The following EVI5 variants were observed in gnomAD, a reference collection of about 807,000 sequenced individuals.
The protein encoded by EVI5 is ecotropic viral integration site 5 protein homolog.
Under a neutral mutation model 112.0 loss-of-function variants are expected in EVI5, and 73 were observed. The ratio of observed to expected loss-of-function variants is 0.65; its 90% confidence interval spans 0.54 to 0.79. The LOEUF is 0.79. EVI5 is among the 30% of genes least tolerant of loss of function. The pLI is 0.00. For missense variants in EVI5, 900 were observed against 968.8 expected (o/e 0.93, Z 0.94); for synonymous variants, 305 against 319.9 (o/e 0.95, Z 0.50).
intron 14 of EVI5, among the ~76,000 whole-genome samples, chr1:92,630,255 A>C (rs1375684842): frequency 1.3e-5 from 2 of 151,992 alleles, no homozygotes; most frequent in Non-Finnish European, 2.9e-5. Context: ...TGACTTCCAC[A>C]ATGGTTGAAC....
intron 2 of EVI5, among the ~76,000 whole-genome samples, chr1:92,730,601 GA>G (rs1676304237): frequency 6.7e-6 from 1 of 148,982 alleles, no homozygotes; most frequent in Admixed American, 6.7e-5. Flanking sequence ...AGGATCACTT[GA>G]GCCCAGGAGA....
chr1:92,633,324 C>A (rs963859555), intron 14 of EVI5, among the ~76,000 whole-genome samples: 6 of 152,180 alleles, frequency 3.9e-5, no homozygotes, highest in African/African-American at 1.4e-4. Flanking sequence ...CTTTGTAGCT[C>A]TCTAAGGACT....
intron 19 of EVI5, among the ~76,000 whole-genome samples, chr1:92,528,527 CATA>C (rs1319092599): frequency 6.6e-6 from 1 of 152,080 alleles, no homozygotes; most frequent in Non-Finnish European, 1.5e-5. Flanking sequence ...CAGTTTTATT[CATA>C]ATAACCCCAA....
intron 1 of EVI5, among the ~76,000 whole-genome samples, chr1:92,790,775 C>T (rs772105523): frequency 8.6e-5 from 13 of 150,300 alleles, no homozygotes; most frequent in African/African-American, 1.7e-4. Flanking sequence ...GCTGACATCA[C>T]GCCAATGCAC....
At chr1:92,690,493 C>T (rs1053981456) in intron 9 of EVI5, among the ~76,000 whole-genome samples, 1 of 151,814 alleles carries the variant, frequency 6.6e-6, no homozygotes, top group African/African-American at 2.4e-5. Flanking sequence ...AAGGTGTACA[C>T]CACCATACCT....
intron 18 of EVI5, among the ~76,000 whole-genome samples, chr1:92,567,796 T>C (rs949891794): frequency 1.3e-5 from 2 of 152,244 alleles, no homozygotes; most frequent in Non-Finnish European, 2.9e-5. Context: ...AACTGTCTTA[T>C]TTAACAATTA....
intron 6 of EVI5, 72 bp from the exon 7 acceptor site, chr1:92,695,525 G>A: frequency 2.0e-6 from 2 of 1,000,064 alleles, no homozygotes; most frequent in Non-Finnish European, 2.9e-6. Context: ...ATTTATACTA[G>A]ATTAGCCTAT....
At chr1:92,692,900 G>A (rs1041612132) in intron 9 of EVI5, among the ~76,000 whole-genome samples, 5 of 152,062 alleles carry the variant, frequency 3.3e-5, no homozygotes, top group African/African-American at 1.2e-4. Flanking sequence ...AACTATGACC[G>A]CAGGCTAAGA....
chr1:92,534,903 A>G (rs1311519734), intron 19 of EVI5, among the ~76,000 whole-genome samples: 2 of 152,224 alleles, frequency 1.3e-5, no homozygotes, highest in African/African-American at 4.8e-5. Context: ...CAATGGCAAC[A>G]AAAGCCAAAA....
At chr1:92,608,699 C>T (rs567013583) in intron 16 of EVI5, among the ~76,000 whole-genome samples, 1 of 121,778 alleles carries the variant, frequency 8.2e-6, no homozygotes, top group South Asian at 3.1e-4. Context: ...AAGACTCTGT[C>T]TCAGAGAAAA....
intron 13 of EVI5, among the ~76,000 whole-genome samples, chr1:92,660,319 G>A (rs1367339557): frequency 2.0e-5 from 3 of 151,916 alleles, no homozygotes; most frequent in East Asian, 1.9e-4. Context: ...AAATAAGCCA[G>A]ACACAGAAAG....
chr1:92,554,019 T>C (rs1045164481), intron 19 of EVI5, among the ~76,000 whole-genome samples: 1 of 152,216 alleles, frequency 6.6e-6, no homozygotes, highest in African/African-American at 2.4e-5. Flanking sequence ...ACATCAAACA[T>C]GGCTAGGAAA....
rs200485973 is a variant in EVI5 at position 92,678,065 on chromosome 1, G to A, written c.1098-847C>T. Among the ~76,000 whole-genome samples the A allele has an allele frequency of 7.2e-5, 11 of 152,296 alleles. No homozygotes were observed. In the East Asian group the frequency reaches 2.1e-3, roughly 29 times the overall value. ...GAGGACTAATAGAAGGCGAAGGCAG[G>A]GAGGGGGACAAGGGCTGAAAAACTA... On this transcript the variant is annotated intron_variant, in intron 9 of 19. Transcript: ENST00000684568.
chr1:92,738,670 A>C (rs1039433538), intron 1 of EVI5, among the ~76,000 whole-genome samples: 5 of 152,224 alleles, frequency 3.3e-5, no homozygotes, highest in Admixed American at 6.5e-5. Flanking sequence ...TAACTACTAA[A>C]GACTGAACTT....
intron 19 of EVI5, 34 bp downstream of exon 19, chr1:92,563,608 A>G: frequency 9.0e-7 from 1 of 1,113,612 alleles, no homozygotes; most frequent in Non-Finnish European, 1.3e-6. Context: ...GGAAGGAAGA[A>G]AGCAATATGT....
At chr1:92,676,972 T>C (rs796532895) in intron 10 of EVI5, among the ~76,000 whole-genome samples, 186 bp downstream of exon 10, 6 of 152,232 alleles carry the variant, frequency 3.9e-5, no homozygotes, top group Non-Finnish European at 5.9e-5. Context: ...GAGCTTGCTC[T>C]CCTTCATACT....
chr1:92,708,449 A>G (rs1672338010), intron 2 of EVI5, among the ~76,000 whole-genome samples: 1 of 152,174 alleles, frequency 6.6e-6, no homozygotes, highest in Admixed American at 6.5e-5. Flanking sequence ...GATAGTTACA[A>G]TCGAGATGAC....
intron 2 of EVI5, among the ~76,000 whole-genome samples, chr1:92,724,767 C>T (rs2102723466): frequency 6.6e-6 from 1 of 152,146 alleles, no homozygotes; most frequent in East Asian, 1.9e-4. Context: ...GTGATGGCAC[C>T]ATTGCACTCC....
At chr1:92,780,431 C>G (rs1255642198) in intron 1 of EVI5, among the ~76,000 whole-genome samples, 1 of 119,870 alleles carries the variant, frequency 8.3e-6, no homozygotes, top group Non-Finnish European at 1.8e-5. Context: ...GAAAAGCAGC[C>G]CCTGCCCACA....
Sources: gnomAD v4.1 joint callset for allele counts (sites outside exome capture counted in the v4.1 genomes callset) on GRCh38, gnomAD v4.1.1 for gene constraint, MANE v1.5 for transcripts, NCBI Gene and HGNC (gene_info 2026-07-23, HGNC 2026-07-21) for gene names.